ELMO1: variants seen among roughly 807,000 people sequenced by gnomAD.
The protein encoded by ELMO1 is engulfment and cell motility protein 1.
A neutral mutation model predicts 98.9 loss-of-function variants in ELMO1; 26 were observed. The observed-to-expected ratio is 0.26, with a 90% CI of 0.19 to 0.36. The LOEUF (loss-of-function observed/expected upper bound fraction) is 0.36. Ranked by LOEUF, ELMO1 falls within the 10% of genes least tolerant of loss-of-function variation. ELMO1 has a pLI of 1.00. For synonymous variants in ELMO1, 346 were observed against 346.0 expected (o/e 1.00, Z 0.00); for missense variants, 627 against 935.2 (o/e 0.67, Z 4.30).
intron 5 of ELMO1, among the ~76,000 whole-genome samples, chr7:37,264,662 G>C (rs1382551626): frequency 1.3e-5 from 2 of 152,090 alleles, no homozygotes; most frequent in Middle Eastern, 3.2e-3. Context: ...ATAGAAAAAA[G>C]TTTTACTTTG....
chr7:37,258,051 C>T (rs1795781638), intron 6 of ELMO1, among the ~76,000 whole-genome samples: 3 of 151,392 alleles, frequency 2.0e-5, no homozygotes, highest in African/African-American at 2.4e-5. Context: ...AGGCAGATCA[C>T]GAGGTCAAGA....
chr7:37,117,596 C>T (rs116555843), intron 14 of ELMO1, among the ~76,000 whole-genome samples: 188 of 152,262 alleles, frequency 1.2e-3, no homozygotes, highest in African/African-American at 4.3e-3. Context: ...ATCACATATT[C>T]ACACTCTCAA....
chr7:37,248,216 G>C (rs1028237930), intron 6 of ELMO1, among the ~76,000 whole-genome samples: 3 of 151,944 alleles, frequency 2.0e-5, no homozygotes, highest in African/African-American at 7.3e-5. Context: ...GTGTGTGTGT[G>C]TCTCAATATA....
intron 15 of ELMO1, among the ~76,000 whole-genome samples, chr7:37,064,354 G>C (rs769368155): frequency 6.6e-6 from 1 of 152,170 alleles, no homozygotes; most frequent in Non-Finnish European, 1.5e-5. Flanking sequence ...TCCTGCCCTG[G>C]GATCTGCATA....
At chr7:37,160,906 G>A (rs1345208485) in intron 13 of ELMO1, among the ~76,000 whole-genome samples, 3 of 152,164 alleles carry the variant, frequency 2.0e-5, no homozygotes, top group Non-Finnish European at 4.4e-5. Context: ...GCACAGAGGT[G>A]GAGAGAGACC....
At chr7:37,371,675 C>T (rs1011180640) in intron 1 of ELMO1, among the ~76,000 whole-genome samples, 3 of 152,108 alleles carry the variant, frequency 2.0e-5, no homozygotes, top group South Asian at 2.1e-4. Flanking sequence ...AGAAGTCAGG[C>T]GCACATTTTC....
At chr7:37,011,295 G>A (rs1450066859) in intron 16 of ELMO1, among the ~76,000 whole-genome samples, 1 of 152,156 alleles carries the variant, frequency 6.6e-6, no homozygotes, top group Non-Finnish European at 1.5e-5. Flanking sequence ...ACATGGCCAT[G>A]ATAAGCCACA....
intron 14 of ELMO1, among the ~76,000 whole-genome samples, chr7:37,100,888 A>T (rs1563000995): frequency 6.6e-6 from 1 of 152,240 alleles, no homozygotes; most frequent in Non-Finnish European, 1.5e-5. Flanking sequence ...AACTTGCATG[A>T]GGCACTGCAT....
intron 16 of ELMO1, among the ~76,000 whole-genome samples, chr7:36,945,998 T>G (rs1323245712): frequency 6.6e-6 from 1 of 152,222 alleles, no homozygotes; most frequent in Non-Finnish European, 1.5e-5. Context: ...GATCTCCACC[T>G]GTCCCTGCCT....
At chr7:37,090,087 A>C (rs1351788857) in intron 15 of ELMO1, among the ~76,000 whole-genome samples, 2 of 152,212 alleles carry the variant, frequency 1.3e-5, no homozygotes, top group Non-Finnish European at 2.9e-5. Flanking sequence ...TGACTATGTG[A>C]AGGTAGCCAT....
intron 13 of ELMO1, among the ~76,000 whole-genome samples, chr7:37,163,907 C>T (rs1243982945): frequency 1.3e-5 from 2 of 152,218 alleles, no homozygotes; most frequent in Non-Finnish European, 2.9e-5. Flanking sequence ...CCTGAAGAAT[C>T]GCCACACTGA....
chr7:37,029,217 C>T (rs1056704188), intron 15 of ELMO1, among the ~76,000 whole-genome samples: 1 of 152,142 alleles, frequency 6.6e-6, no homozygotes, highest in Non-Finnish European at 1.5e-5. Context: ...TAATTGCTGC[C>T]ATTATGCAGT....
chr7:36,909,146 C>T (rs1376706944), intron 16 of ELMO1, among the ~76,000 whole-genome samples: 1 of 152,200 alleles, frequency 6.6e-6, no homozygotes, highest in Non-Finnish European at 1.5e-5. Context: ...ATGTTTTTAA[C>T]TTTAACCTAC....
intron 1 of ELMO1, among the ~76,000 whole-genome samples, chr7:37,355,061 G>A (rs1238917047): frequency 1.3e-5 from 2 of 152,148 alleles, no homozygotes; most frequent in Non-Finnish European, 2.9e-5. Flanking sequence ...CCGCATAGCC[G>A]CCTCTCACGG....
chr7:37,254,501 T>C (rs1795534461), intron 6 of ELMO1, among the ~76,000 whole-genome samples: 1 of 152,214 alleles, frequency 6.6e-6, no homozygotes, highest in African/African-American at 2.4e-5. Context: ...ACATACATGG[T>C]ATAGCCTACA....
intron 15 of ELMO1, among the ~76,000 whole-genome samples, chr7:37,014,959 T>C (rs1296350205): frequency 1.3e-5 from 2 of 151,964 alleles, no homozygotes; most frequent in African/African-American, 4.8e-5. Flanking sequence ...TCAAGCCTCA[T>C]GGAAACACAC....
chr7:36,928,199 C>T lies in ELMO1; in HGVS notation c.1438-33182G>A, dbSNP rs548919008. ...TTAACGCCCGGATTCGTAAGTGCATCTTCCCTCTTCATGAGAAAACAGAAA... is the reference window on the plus strand; with the variant it reads ...TTAACGCCCGGATTCGTAAGTGCATTTTCCCTCTTCATGAGAAAACAGAAA... On this transcript the variant is annotated intron_variant, in intron 16 of 21. Coordinates refer to ENST00000310758, the MANE Select transcript of ELMO1 (RefSeq NM_014800.11). Among the ~76,000 whole-genome samples, 13 of 152,342 alleles carry T rather than the reference C, an allele frequency of 8.5e-5. No homozygotes were observed. In the South Asian group the frequency reaches 2.7e-3, roughly 32 times the overall value.
intron 1 of ELMO1, among the ~76,000 whole-genome samples, chr7:37,360,723 A>C (rs978270525): frequency 1.3e-5 from 2 of 152,238 alleles, no homozygotes; most frequent in Non-Finnish European, 2.9e-5. Flanking sequence ...GTAACTGCAA[A>C]GTGTAAAGAG....
chr7:36,910,612 G>A (rs1476408306), intron 16 of ELMO1, among the ~76,000 whole-genome samples: 3 of 152,182 alleles, frequency 2.0e-5, no homozygotes, highest in Non-Finnish European at 4.4e-5. Flanking sequence ...TGCCATCTGT[G>A]TGTCCTTGGG....
Sources: allele counts gnomAD v4.1 joint callset (sites outside exome capture counted in the v4.1 genomes callset), GRCh38; gene constraint gnomAD v4.1.1; transcripts MANE v1.5; gene names NCBI Gene and HGNC (gene_info 2026-07-23, HGNC 2026-07-21).